The following SRCIN1 variants were observed in gnomAD, a reference collection of about 807,000 sequenced individuals.
The protein encoded by SRCIN1 is SRC kinase signaling inhibitor 1.
In SRCIN1, 50 loss-of-function variants were observed where a neutral mutation model predicts 116.2. The ratio of observed to expected loss-of-function variants is 0.43; its 90% confidence interval spans 0.34 to 0.54. The LOEUF is 0.54. SRCIN1 is among the 20% of genes least tolerant of loss of function. The pLI is 0.02. For synonymous variants in SRCIN1, 736 were observed against 750.0 expected, an observed-to-expected ratio of 0.98 and a Z score of 0.30; for missense variants, 1,446 against 1,672.0, an observed-to-expected ratio of 0.86 and a Z score of 2.36.
chr17:38,557,080 T>A (rs1218617588), intron 11 of SRCIN1, among the ~76,000 whole-genome samples: 1 of 152,166 alleles, frequency 6.6e-6, no homozygotes. Flanking sequence ...ACACCTAGAG[T>A]GATGGGGTGG....
intron 11 of SRCIN1, among the ~76,000 whole-genome samples, chr17:38,556,004 C>G: frequency 6.6e-6 from 1 of 152,148 alleles, no homozygotes; most frequent in East Asian, 1.9e-4. Context: ...TTCTGATCAC[C>G]CAATCTGCCA....
intron 2 of SRCIN1, 50 bp downstream of exon 2, chr17:38,578,440 T>C (rs967100814): frequency 2.7e-6 from 4 of 1,507,920 alleles, no homozygotes; most frequent in East Asian, 2.3e-5. Context: ...CCTCCTCCCC[T>C]GCCCGCTGGC....
At chr17:38,575,166 T>C (rs181390114) in intron 2 of SRCIN1, among the ~76,000 whole-genome samples, 1 of 152,364 alleles carries the variant, frequency 6.6e-6, no homozygotes, top group Non-Finnish European at 1.5e-5. Context: ...GCTCTGTTTC[T>C]GGATGTCTGC....
chr17:38,552,690 GAAC>G lies in SRCIN1; in HGVS notation c.2332+32_2332+34del. The G allele has an allele frequency of 6.2e-7, 1 of 1,613,144 alleles. No homozygotes were observed. Among genetic ancestry groups the G allele is most frequent in the African/African-American group, 1.3e-5 (1 of 74,992 alleles). ...GGAGTATGGCAGACTTCCCCACCCT[GAAC>G]AACGTGCTGCATTCGCAGGCCCCAG... On this transcript the variant is annotated intron_variant, in intron 12 of 18. Transcript: ENST00000617146. This position sits in a 1 kb window ranked among gnomAD's most constrained non-coding sequence, Gnocchi z 5.3.
In SRCIN1 at chr17:38,572,994, G is replaced by C. The variant is rs1297614179; in HGVS notation, c.325-4763C>G. Among the ~76,000 whole-genome samples, 1 of 152,014 alleles carries C rather than the reference G, an allele frequency of 6.6e-6. No individual in the cohort carries two copies. The highest frequency in any genetic ancestry group is 1.5e-5 in the Non-Finnish European group (1 of 67,936). The stretch of plus-strand genomic sequence containing the variant: ...AGGAGCGGCGGAGGCTGGTGGCTGC[G>C]TCGCCGCGGTCACCCGATACGCCGG... On this transcript the variant is annotated intron_variant, in intron 2 of 18. Coordinates refer to ENST00000617146, the MANE Select transcript of SRCIN1 (RefSeq NM_025248.3). This position sits in a 1 kb window ranked among gnomAD's most constrained non-coding sequence, Gnocchi z 4.3.
At chr17:38,579,654 C>G (rs1907667959) in intron 1 of SRCIN1, among the ~76,000 whole-genome samples, 1 of 152,204 alleles carries the variant, frequency 6.6e-6, no homozygotes, top group Admixed American at 6.5e-5. Context: ...AAGAGACGTA[C>G]AGGGGACAAA....
chr17:38,534,185 C>G (rs539440253), intron 18 of SRCIN1, among the ~76,000 whole-genome samples: 5 of 152,170 alleles, frequency 3.3e-5, no homozygotes, highest in African/African-American at 9.7e-5. Context: ...GGTGGACTCC[C>G]GCAACTCCAC....
chr17:38,533,114 A>AAC lies in SRCIN1; in HGVS notation c.*182_*183insGT, dbSNP rs2040947052. On this transcript the variant is annotated 3_prime_UTR_variant, in exon 19 of 19. Coordinates refer to ENST00000617146, the MANE Select transcript of SRCIN1 (RefSeq NM_025248.3). ...AATTGTTAAAAAAAAAAAAAAAAAC[A>AAC]AAACCAAAAACACCAACAGATGATG... 1 of 508,744 alleles carries AAC rather than the reference A, an allele frequency of 2.0e-6. No individual in the cohort carries two copies. Among genetic ancestry groups the AAC allele is most frequent in the African/African-American group, 2.1e-5 (1 of 48,106 alleles). 31.5% of individuals were successfully genotyped at this position (508,744 alleles called of 1,614,324 possible).
chr17:38,536,747 G>A (rs765252857), intron 18 of SRCIN1, among the ~76,000 whole-genome samples: 7 of 152,250 alleles, frequency 4.6e-5, no homozygotes, highest in Non-Finnish European at 1.5e-5. Flanking sequence ...CCAGCCCAGA[G>A]TGGGGGATGT....
Position 38,562,455 on chromosome 17 carries a change from T to C in SRCIN1, c.835-127A>G. 1 of 1,127,358 alleles carries C rather than the reference T, an allele frequency of 8.9e-7. No individual in the cohort carries two copies. The highest frequency in any genetic ancestry group is 1.8e-5 in the South Asian group (1 of 56,036). 69.8% of individuals were successfully genotyped at this position (1,127,358 alleles called of 1,614,324 possible). On this transcript the variant is annotated intron_variant, in intron 6 of 18. Coordinates refer to ENST00000617146, the MANE Select transcript of SRCIN1 (RefSeq NM_025248.3). The surrounding 1 kb of genome is among the most constrained non-coding windows in gnomAD (Gnocchi z 4.2). The stretch of plus-strand genomic sequence containing the variant: ...CCTTCTGCTCTCTGCCCTCCCTCCA[T>C]CCTGCTGCGTCTAGGGTCCCTTTCC...
At chr17:38,550,043 C>T (rs543888557) in intron 15 of SRCIN1, among the ~76,000 whole-genome samples, 4 of 152,346 alleles carry the variant, frequency 2.6e-5, no homozygotes, top group Middle Eastern at 3.4e-3. Context: ...TGCACAGTAC[C>T]GGCATTCACC....
At chr17:38,555,667 A>T (rs1905738259) in intron 11 of SRCIN1, among the ~76,000 whole-genome samples, 1 of 152,264 alleles carries the variant, frequency 6.6e-6, no homozygotes, top group Non-Finnish European at 1.5e-5. Flanking sequence ...GCAAAGCGGG[A>T]TCTACTCACA....
chr17:38,587,764 T>C lies in SRCIN1; in HGVS notation c.23-8973A>G, dbSNP rs1036239239. Among the ~76,000 whole-genome samples, 144 of 152,208 alleles carry C rather than the reference T, an allele frequency of 9.5e-4. 1 individual carries two copies. The highest frequency in any genetic ancestry group is 6.8e-3 in the Middle Eastern group (2 of 294). On this transcript the variant is annotated intron_variant, in intron 1 of 18. Coordinates refer to ENST00000617146, the MANE Select transcript of SRCIN1 (RefSeq NM_025248.3). Reference sequence around the variant, plus strand: ...CGACAGGGAGAAAAGCTGGGGTCCATGGCCCAGTGATGCCCCCAGCCCAGG... The same window carrying C: ...CGACAGGGAGAAAAGCTGGGGTCCACGGCCCAGTGATGCCCCCAGCCCAGG...
At chr17:38,570,761 T>C (rs1447831105) in intron 2 of SRCIN1, among the ~76,000 whole-genome samples, 1 of 152,074 alleles carries the variant, frequency 6.6e-6, no homozygotes, top group African/African-American at 2.4e-5. Context: ...CATGGGGCAG[T>C]CACCTGGAAG....
chr17:38,581,946 T>C (rs554080732), intron 1 of SRCIN1, among the ~76,000 whole-genome samples: 4 of 152,256 alleles, frequency 2.6e-5, no homozygotes, highest in East Asian at 3.9e-4. Flanking sequence ...CTGCAGCCCA[T>C]TGGGTACAAG....
rs796286937 is a variant in SRCIN1 at position 38,585,840 on chromosome 17, G to A, written c.23-7049C>T. Among the ~76,000 whole-genome samples, 1 of 152,172 alleles carries A rather than the reference G, an allele frequency of 6.6e-6. No homozygotes were observed. Among genetic ancestry groups the A allele is most frequent in the South Asian group, 2.1e-4 (1 of 4,822 alleles). Reference sequence around the variant, plus strand: ...CCTCGGAGATGAGGGCGTGTGATGGGGGAAGGGCGATGGGGGGAAGGAGGC... The same window carrying A: ...CCTCGGAGATGAGGGCGTGTGATGGAGGAAGGGCGATGGGGGGAAGGAGGC... On this transcript the variant is annotated intron_variant, in intron 1 of 18. Transcript: ENST00000617146. This position sits in a 1 kb window ranked among gnomAD's most constrained non-coding sequence, Gnocchi z 4.2.
chr17:38,563,749 G>A lies in SRCIN1; in HGVS notation c.542-228C>T. On this transcript the variant is annotated intron_variant, in intron 4 of 18. Coordinates refer to ENST00000617146, the MANE Select transcript of SRCIN1 (RefSeq NM_025248.3). The surrounding 1 kb of genome is among the most constrained non-coding windows in gnomAD (Gnocchi z 5.8). The stretch of plus-strand genomic sequence containing the variant: ...CCCACTGGACTCCAGGCAGTTGAAG[G>A]AACTTGGACAAGGAAATGGAAGTGG... 1 of 697,710 alleles carries A rather than the reference G, an allele frequency of 1.4e-6. No homozygotes were observed. Among genetic ancestry groups the A allele is most frequent in the Non-Finnish European group, 2.5e-6 (1 of 396,820 alleles). 43.2% of individuals were successfully genotyped at this position (697,710 alleles called of 1,614,324 possible).
chr17:38,558,192 C>G lies in SRCIN1; in HGVS notation c.2201+35G>C, dbSNP rs1363761046. 1 of 1,602,784 alleles carries G rather than the reference C, an allele frequency of 6.2e-7. No homozygotes were observed. ...AGGTTGCGGGTCACTCCAGCCGCAC[C>G]CCCACCCCTCCCTCCGCCGCGGGCC... On this transcript the variant is annotated intron_variant, in intron 11 of 18. Coordinates refer to ENST00000617146, the MANE Select transcript of SRCIN1 (RefSeq NM_025248.3). This position sits in a 1 kb window ranked among gnomAD's most constrained non-coding sequence, Gnocchi z 4.6.
chr17:38,551,640 C>G (rs1213715134), intron 14 of SRCIN1: 1 of 661,104 alleles, frequency 1.5e-6, no homozygotes, highest in Non-Finnish European at 2.6e-6. Flanking sequence ...TATTGTTTCA[C>G]TGACTACATA....
Sources: allele counts gnomAD v4.1 joint callset (sites outside exome capture counted in the v4.1 genomes callset), GRCh38; gene constraint gnomAD v4.1.1; non-coding constraint Gnocchi (gnomAD v3.1); transcripts MANE v1.5; gene names NCBI Gene and HGNC (gene_info 2026-07-23, HGNC 2026-07-21).